DLG2: variants seen among roughly 807,000 people sequenced by gnomAD.
The protein encoded by DLG2 is disks large homolog 2.
A neutral mutation model predicts 132.5 loss-of-function variants in DLG2; 45 were observed. The ratio of observed to expected loss-of-function variants is 0.34; its 90% CI spans 0.27 to 0.44. The LOEUF (loss-of-function observed/expected upper bound fraction) is 0.44. Among genes scored for constraint, DLG2 ranks in the 20% least tolerant of loss-of-function variants. The pLI, the probability that DLG2 is intolerant of heterozygous loss-of-function variation, is 1.00. For missense variants in DLG2, 1,045 were observed against 1,196.9 expected (o/e 0.87, Z 1.87); for synonymous variants, 424 against 419.6 (o/e 1.01, Z -0.13).
At position 84,869,416 on chromosome 11, in the gene DLG2, A is replaced by C. The variant is rs186361416; in HGVS notation, c.357+242245T>G. Among the ~76,000 whole-genome samples the C allele has an allele frequency of 5.4e-4, 83 of 152,316 alleles. 2 individuals carry two copies. The Middle Eastern group carries it at 0.014, about 25-fold the overall frequency. On this transcript the variant is annotated intron_variant, in intron 6 of 27. Coordinates refer to ENST00000376104, the MANE Select transcript of DLG2 (RefSeq NM_001142699.3). ...CAAGATGACAAGGATGAGTTAAGAT[A>C]GTTCTGTTTCATGCCATTTTTTAAA...
intron 26 of DLG2, among the ~76,000 whole-genome samples, chr11:83,462,664 T>C (rs1249180524): frequency 1.3e-5 from 2 of 152,182 alleles, no homozygotes; most frequent in Admixed American, 6.5e-5. Context: ...GTTATAGGAA[T>C]ATTTCAAAAT....
intron 3 of DLG2, among the ~76,000 whole-genome samples, chr11:85,342,389 G>T (rs1235767418): frequency 6.6e-6 from 1 of 152,030 alleles, no homozygotes; most frequent in East Asian, 1.9e-4. Flanking sequence ...ATGAGGTCAG[G>T]ATCATCAATG....
chr11:85,081,491 G>A (rs2067221029), intron 6 of DLG2, among the ~76,000 whole-genome samples: 1 of 152,064 alleles, frequency 6.6e-6, no homozygotes, highest in Non-Finnish European at 1.5e-5. Flanking sequence ...TTCTCAAGGT[G>A]GGTCCTAGAA....
chr11:84,600,848 T>C (rs1311314473), intron 6 of DLG2, among the ~76,000 whole-genome samples: 4 of 152,136 alleles, frequency 2.6e-5, no homozygotes, highest in African/African-American at 4.8e-5. Flanking sequence ...AAGAAGGAAA[T>C]AATTGCCTTT....
chr11:83,908,573 C>T (rs2075461976), intron 15 of DLG2, among the ~76,000 whole-genome samples: 1 of 152,090 alleles, frequency 6.6e-6, no homozygotes, highest in Admixed American at 6.6e-5. Flanking sequence ...AGCATTTGTC[C>T]TAGAGATCAA....
chr11:85,014,761 G>A (rs1247479787), intron 6 of DLG2, among the ~76,000 whole-genome samples: 1 of 152,110 alleles, frequency 6.6e-6, no homozygotes, highest in Non-Finnish European at 1.5e-5. Flanking sequence ...AACCTGTATT[G>A]GTTCTACAAA....
intron 5 of DLG2, among the ~76,000 whole-genome samples, chr11:85,141,816 T>G (rs1386098010): frequency 6.6e-6 from 1 of 151,938 alleles, no homozygotes; most frequent in Non-Finnish European, 1.5e-5. Context: ...GAGACTGTCC[T>G]TTTCCCAAAA....
At chr11:85,044,283 T>C (rs1405403513) in intron 6 of DLG2, among the ~76,000 whole-genome samples, 2 of 152,072 alleles carry the variant, frequency 1.3e-5, no homozygotes, top group African/African-American at 4.8e-5. Context: ...ATTAACTTTT[T>C]GTCTCCTCCA....
chr11:84,786,461 T>C (rs931591380), intron 6 of DLG2, among the ~76,000 whole-genome samples: 2 of 152,200 alleles, frequency 1.3e-5, no homozygotes, highest in African/African-American at 4.8e-5. Context: ...CAGAAGTTAA[T>C]AGCTAAATAC....
At chr11:84,194,446 G>T (rs2096475551) in intron 8 of DLG2, among the ~76,000 whole-genome samples, 2 of 152,158 alleles carry the variant, frequency 1.3e-5, no homozygotes, top group African/African-American at 4.8e-5. Context: ...CAGACCCAAA[G>T]AGTGAGCAGC....
rs185243854 is a variant in DLG2, at chr11:83,593,663, A to T, written c.1940+39548T>A. Among the ~76,000 whole-genome samples, 639 of 134,932 alleles carry T rather than the reference A, an allele frequency of 4.7e-3. 17 individuals carry two copies. Among genetic ancestry groups the T allele is most frequent in the East Asian group, 0.045 (231 of 5,094 alleles). 88.5% of individuals were successfully genotyped at this position (134,932 alleles called of 152,430 possible). ...GTATAATAAAAAAAAGAAATATATT[A>T]AAAAAAAAAGAAAAAAAAAGAATTT... On this transcript the variant is annotated intron_variant, in intron 19 of 27. Transcript: ENST00000376104.
At chr11:84,243,907 A>T (rs935513484) in intron 8 of DLG2, among the ~76,000 whole-genome samples, 2 of 152,362 alleles carry the variant, frequency 1.3e-5, no homozygotes, top group African/African-American at 4.8e-5. Context: ...AGTATTCATA[A>T]CAACCCCTGC....
At chr11:84,870,335 A>G (rs2085287839) in intron 6 of DLG2, among the ~76,000 whole-genome samples, 1 of 152,180 alleles carries the variant, frequency 6.6e-6, no homozygotes. Flanking sequence ...GGTTAAATTG[A>G]AAAACACTCT....
intron 8 of DLG2, among the ~76,000 whole-genome samples, chr11:84,165,529 T>C (rs2095641332): frequency 6.6e-6 from 1 of 152,316 alleles, no homozygotes; most frequent in East Asian, 1.9e-4. Flanking sequence ...AATAATATCA[T>C]TTGTCTAATT....
chr11:84,546,144 C>A (rs1011279624), intron 6 of DLG2, among the ~76,000 whole-genome samples: 1 of 152,110 alleles, frequency 6.6e-6, no homozygotes, highest in African/African-American at 2.4e-5. Flanking sequence ...GAAATGTAGT[C>A]CCTACTGCTG....
chr11:83,676,854 C>T (rs1474915145), intron 18 of DLG2, among the ~76,000 whole-genome samples: 2 of 152,118 alleles, frequency 1.3e-5, no homozygotes, highest in African/African-American at 2.4e-5. Context: ...ATAAACTCCT[C>T]GAGTTCAAAG....
At chr11:84,970,434 C>T (rs993136293) in intron 6 of DLG2, among the ~76,000 whole-genome samples, 2 of 152,132 alleles carry the variant, frequency 1.3e-5, no homozygotes, top group Non-Finnish European at 2.9e-5. Flanking sequence ...GCTGCCATAA[C>T]AAAATACCAT....
chr11:84,859,375 C>T (rs999199425), intron 6 of DLG2, among the ~76,000 whole-genome samples: 2 of 142,810 alleles, frequency 1.4e-5, no homozygotes, highest in East Asian at 2.0e-4. Context: ...TATATATACA[C>T]ATATATATGC....
At chr11:84,775,589 TA>T (rs566934726) in intron 6 of DLG2, among the ~76,000 whole-genome samples, 2 of 151,922 alleles carry the variant, frequency 1.3e-5, no homozygotes, top group Non-Finnish European at 2.9e-5. Context: ...CAGGCAGCCA[TA>T]AAAAAAGTGA....
Sources: gnomAD v4.1 joint callset for allele counts (sites outside exome capture counted in the v4.1 genomes callset) on GRCh38, gnomAD v4.1.1 for gene constraint, MANE v1.5 for transcripts, NCBI Gene and HGNC (gene_info 2026-07-23, HGNC 2026-07-21) for gene names.